PLXDC2: variants seen among roughly 807,000 people sequenced by gnomAD.
The protein encoded by PLXDC2 is plexin domain-containing protein 2.
A neutral mutation model predicts 68.9 loss-of-function variants in PLXDC2; 40 were observed. The ratio of observed to expected loss-of-function variants is 0.58; its 90% CI spans 0.45 to 0.76. PLXDC2 has a LOEUF of 0.76. Ranked by LOEUF, PLXDC2 falls within the 30% of genes least tolerant of loss-of-function variation. PLXDC2 has a pLI of 0.00. For missense variants in PLXDC2, 644 were observed against 661.9 expected (o/e 0.97, Z 0.30); for synonymous variants, 243 against 234.2 (o/e 1.04, Z -0.34).
chr10:20,017,981 A>T (rs1835241953), intron 2 of PLXDC2, among the ~76,000 whole-genome samples: 1 of 152,236 alleles, frequency 6.6e-6, no homozygotes, highest in Non-Finnish European at 1.5e-5. Flanking sequence ...GCCATTACCC[A>T]GCTGTGGAGG....
At chr10:20,050,580 G>A (rs1027002448) in intron 3 of PLXDC2, among the ~76,000 whole-genome samples, 2 of 151,942 alleles carry the variant, frequency 1.3e-5, no homozygotes, top group Admixed American at 1.3e-4. Flanking sequence ...AGACATACGT[G>A]CAGCCAACAA....
chr10:19,899,532 C>A (rs1284082671), intron 1 of PLXDC2, among the ~76,000 whole-genome samples: 1 of 152,114 alleles, frequency 6.6e-6, no homozygotes, highest in African/African-American at 2.4e-5. Context: ...ACTCATGAAT[C>A]TTATCACGCC....
chr10:20,108,900 G>A (rs144046290), intron 4 of PLXDC2, among the ~76,000 whole-genome samples: 5 of 152,268 alleles, frequency 3.3e-5, no homozygotes, highest in African/African-American at 1.2e-4. Context: ...TAAATGTTTT[G>A]TGATGCAATC....
At chr10:19,955,775 A>G (rs1480361030) in intron 1 of PLXDC2, among the ~76,000 whole-genome samples, 2 of 152,070 alleles carry the variant, frequency 1.3e-5, no homozygotes, top group Non-Finnish European at 1.5e-5. Flanking sequence ...ATGGCACTTC[A>G]TTTAAAATTT....
At chr10:20,188,214 C>T (rs10827987) in intron 9 of PLXDC2, among the ~76,000 whole-genome samples, 36,689 of 151,444 alleles carry the variant, frequency 0.24, 5,182 homozygotes, top group East Asian at 0.49. Flanking sequence ...TTCCTTCTAT[C>T]GGGCTGTACT....
chr10:19,818,180 G>A (rs1373969555), intron 1 of PLXDC2, among the ~76,000 whole-genome samples: 1 of 151,630 alleles, frequency 6.6e-6, no homozygotes, highest in African/African-American at 2.4e-5. Context: ...AAAAGAAAAC[G>A]AAAACTTTCT....
rs1031593088 is a variant in PLXDC2, at chr10:19,820,491, G to A, written c.112+3300G>A. ...CTAAAAATACAAAAAAAAATTAGCC[G>A]GGCGCGGTGGCGGGCGCCTGTAGTC... On this transcript the variant is annotated intron_variant, in intron 1 of 13. Coordinates refer to ENST00000377252, the MANE Select transcript of PLXDC2 (RefSeq NM_032812.9). Among the ~76,000 whole-genome samples, 4 of 151,998 alleles carry A rather than the reference G, an allele frequency of 2.6e-5. No homozygotes were observed. The South Asian group carries it at 6.2e-4, about 24-fold the overall frequency.
At chr10:20,169,692 A>G (rs1040482530) in intron 7 of PLXDC2, among the ~76,000 whole-genome samples, 4 of 152,128 alleles carry the variant, frequency 2.6e-5, no homozygotes, top group Non-Finnish European at 4.4e-5. Flanking sequence ...CTAGCAAGAA[A>G]CTCAGAAAAT....
At chr10:19,900,725 A>G (rs556614469) in intron 1 of PLXDC2, among the ~76,000 whole-genome samples, 1 of 151,988 alleles carries the variant, frequency 6.6e-6, no homozygotes, top group African/African-American at 2.4e-5. Flanking sequence ...TGTACATTGT[A>G]CCCAATGTGT....
chr10:20,197,645 C>T (rs889257744), intron 9 of PLXDC2, among the ~76,000 whole-genome samples: 2 of 151,912 alleles, frequency 1.3e-5, no homozygotes, highest in African/African-American at 4.8e-5. Flanking sequence ...CATAAGCCTC[C>T]GCACCCGGCC....
At chr10:20,154,268 AC>A (rs1279121502) in intron 6 of PLXDC2, among the ~76,000 whole-genome samples, 3 of 152,194 alleles carry the variant, frequency 2.0e-5, no homozygotes, top group Non-Finnish European at 4.4e-5. Flanking sequence ...TCTCAAAAAA[AC>A]ATTTTATTCC....
chr10:20,202,331 A>C (rs1834931971), intron 9 of PLXDC2, among the ~76,000 whole-genome samples: 1 of 152,188 alleles, frequency 6.6e-6, no homozygotes, highest in African/African-American at 2.4e-5. Flanking sequence ...ATATTGGAGA[A>C]ATTTTAATTG....
At chr10:19,971,977 G>C (rs1480135074) in intron 1 of PLXDC2, among the ~76,000 whole-genome samples, 2 of 152,138 alleles carry the variant, frequency 1.3e-5, no homozygotes, top group African/African-American at 4.8e-5. Context: ...CCTAGGAACA[G>C]GGAGTGGCAT....
chr10:20,109,605 G>A (rs532611625), intron 4 of PLXDC2, among the ~76,000 whole-genome samples: 2 of 152,172 alleles, frequency 1.3e-5, no homozygotes, highest in African/African-American at 4.8e-5. Flanking sequence ...ATGATTGTAA[G>A]CATTAATTTT....
At chr10:20,225,896 G>A (rs1835279786) in intron 12 of PLXDC2, among the ~76,000 whole-genome samples, 1 of 152,082 alleles carries the variant, frequency 6.6e-6, no homozygotes, top group South Asian at 2.1e-4. Flanking sequence ...AGAACCCTCA[G>A]AATCACTGTG....
intron 6 of PLXDC2, among the ~76,000 whole-genome samples, chr10:20,148,720 A>T (rs969252264): frequency 3.3e-5 from 5 of 152,202 alleles, no homozygotes; most frequent in Admixed American, 3.3e-4. Flanking sequence ...GAGCATTATT[A>T]ACCCATAGGT....
chr10:20,201,399 T>A (rs1834915325), intron 9 of PLXDC2, among the ~76,000 whole-genome samples: 1 of 151,380 alleles, frequency 6.6e-6, no homozygotes, highest in Admixed American at 6.6e-5. Flanking sequence ...CTGGGAAGAG[T>A]AGGTGAAAGA....
intron 9 of PLXDC2, among the ~76,000 whole-genome samples, chr10:20,186,515 G>C (rs1834685170): frequency 6.6e-6 from 1 of 151,772 alleles, no homozygotes; most frequent in Non-Finnish European, 1.5e-5. Context: ...TGTCATCCAG[G>C]TACTAAGCCT....
Position 20,282,679 on chromosome 10 carries a change from C to G in PLXDC2, c.*2860C>G, listed in dbSNP as rs990503824. The stretch of plus-strand genomic sequence containing the variant: ...TACTGCTCAAGGTCATCACCAAGGT[C>G]TGGTTGCAAAAATTCAAAAAATTGC... On this transcript the variant is annotated 3_prime_UTR_variant, in exon 14 of 14. Coordinates refer to ENST00000377252, the MANE Select transcript of PLXDC2 (RefSeq NM_032812.9). The G allele has an allele frequency of 2.0e-5, 3 of 152,142 alleles. No individual in the cohort carries two copies. The highest frequency in any genetic ancestry group is 7.2e-5 in the African/African-American group (3 of 41,442). The allele number at this position is 152,142 out of a possible 1,614,324, so 9.4% of individuals were successfully genotyped here. A position where few individuals can be genotyped will look rare whatever the true frequency, so the allele number is the denominator to read the frequency against.
Sources: allele counts gnomAD v4.1 joint callset (sites outside exome capture counted in the v4.1 genomes callset), GRCh38; gene constraint gnomAD v4.1.1; transcripts MANE v1.5; gene names NCBI Gene and HGNC (gene_info 2026-07-23, HGNC 2026-07-21).